Variants in RGPD3 observed in about 807,000 individuals in gnomAD.
RGPD3 encodes the protein ranBP2-like and GRIP domain-containing protein 3.
Under a neutral mutation model 154.5 loss-of-function variants are expected in RGPD3, and 62 were observed. The observed-to-expected ratio is 0.40, with a 90% CI of 0.33 to 0.50. RGPD3 has a LOEUF of 0.50. RGPD3 is among the 20% of genes least tolerant of loss of function. The pLI, the probability that RGPD3 is intolerant of heterozygous loss-of-function variation, is 0.59. For missense variants in RGPD3, 919 were observed against 1,716.8 expected (o/e 0.54, Z 8.21); for synonymous variants, 308 against 607.0 (o/e 0.51, Z 7.24).
intron 4 of RGPD3, among the ~76,000 whole-genome samples, chr2:106,455,012 T>C (rs1678203681): frequency 6.6e-6 from 1 of 151,422 alleles, no homozygotes; most frequent in African/African-American, 2.4e-5. Context: ...CAAAAGTGAA[T>C]GGTTAAGGCT....
At chr2:106,450,875 C>CA in intron 6 of RGPD3, among the ~76,000 whole-genome samples, 1 of 31,948 alleles carries the variant, frequency 3.1e-5, no homozygotes, top group Non-Finnish European at 6.6e-5. Context: ...GAGCAAGACT[C>CA]AGTCTCAAAA....
chr2:106,452,934 GA>G lies in RGPD3; in HGVS notation c.406-9del. 1 of 322,668 alleles carries G rather than the reference GA, an allele frequency of 3.1e-6. No individual in the cohort carries two copies. The highest frequency in any genetic ancestry group is 4.9e-6 in the Non-Finnish European group (1 of 203,044). The allele number at this position is 322,668 out of a possible 1,614,324, so 20.0% of individuals were successfully genotyped here. On this transcript the variant is annotated splice_polypyrimidine_tract_variant and intron_variant, in intron 4 of 22. Transcript: ENST00000409886. ...ACAATCTAGAAGCTGTTCCTATTTA[GA>G]GGGGAAAAAGAAAAATTATTAGAGT...
chr2:106,443,626 T>A (rs563174225), intron 7 of RGPD3, among the ~76,000 whole-genome samples: 1 of 101,004 alleles, frequency 9.9e-6, no homozygotes, highest in African/African-American at 3.5e-5. Context: ...ATAGTTGAAT[T>A]TGTGACCAGT....
rs1323320799 is a variant in RGPD3, at chr2:106,423,960, T to C, written c.4007A>G (p.Glu1336Gly). The C allele has an allele frequency of 6.2e-7, 1 of 1,611,674 alleles. No individual in the cohort carries two copies. The highest frequency in any genetic ancestry group is 1.3e-5 in the African/African-American group (1 of 74,780). The part of the protein sequence containing the change: ...QEEERDGQYF[E>G]PVVPLPDLVE... ...TAGATCAGGTAAAGGAACAACAGGT[T>C]CAAAGTACTGTCCATCTCTCTCTTC... Residue 1336 changes from glutamate to glycine, a missense_variant, in exon 20 of 23, where the codon GAA becomes GGA. Transcript: ENST00000409886.
At chr2:106,465,285 T>C (rs927254919) in intron 1 of RGPD3, among the ~76,000 whole-genome samples, 1 of 152,162 alleles carries the variant, frequency 6.6e-6, no homozygotes, top group African/African-American at 2.4e-5. Context: ...ACAGAATAGC[T>C]TCACATGTTC....
At chr2:106,442,550 C>G (rs1677784282) in intron 7 of RGPD3, among the ~76,000 whole-genome samples, 1 of 135,000 alleles carries the variant, frequency 7.4e-6, no homozygotes, top group African/African-American at 2.8e-5. Flanking sequence ...GACGTGACAG[C>G]TGCCTTCAAA....
chr2:106,436,366 T>G, intron 11 of RGPD3, 48 bp downstream of exon 11: 2 of 1,609,882 alleles, frequency 1.2e-6, no homozygotes, highest in Non-Finnish European at 1.7e-6. Flanking sequence ...AAATCCCCGG[T>G]AAAACCTACG....
chr2:106,409,989 C>T (rs557133328), intron 22 of RGPD3, among the ~76,000 whole-genome samples: 2 of 150,430 alleles, frequency 1.3e-5, no homozygotes, highest in East Asian at 4.0e-4. Context: ...AGTTCTCCTA[C>T]CTCAGCCTCC....
At position 106,460,098 on chromosome 2, in the gene RGPD3, A is replaced by T. The variant is rs1259957052; in HGVS notation, c.73-766T>A. Among the ~76,000 whole-genome samples the T allele has an allele frequency of 1.1e-4, 6 of 52,416 alleles. 1 individual carries two copies. The highest frequency in any genetic ancestry group is 4.8e-4 in the African/African-American group (6 of 12,498). 34.4% of individuals were successfully genotyped at this position (52,416 alleles called of 152,430 possible). On this transcript the variant is annotated intron_variant, in intron 1 of 22. Coordinates refer to ENST00000409886, the MANE Select transcript of RGPD3 (RefSeq NM_001144013.2). ...GACACTGCCGTGAGTTATGACTGTGACACTGCACTCCAGCCTGGGTGACAC... is the reference window on the plus strand; with the variant it reads ...GACACTGCCGTGAGTTATGACTGTGTCACTGCACTCCAGCCTGGGTGACAC...
intron 18 of RGPD3, 50 bp from the exon 19 acceptor site, chr2:106,426,138 A>G (rs1238346344): frequency 6.3e-7 from 1 of 1,579,504 alleles, no homozygotes; most frequent in African/African-American, 1.4e-5. Flanking sequence ...TCTATACTAC[A>G]GTTAAGACTA....
intron 21 of RGPD3, among the ~76,000 whole-genome samples, chr2:106,414,932 C>T (rs1353649919): frequency 7.9e-5 from 12 of 152,110 alleles, no homozygotes; most frequent in Non-Finnish European, 1.3e-4. Flanking sequence ...TTTGTTCCAC[C>T]ATTTACCAGC....
chr2:106,424,160 A>G lies in RGPD3; in HGVS notation c.3807T>C (p.His1269=). 1 of 1,611,280 alleles carries G rather than the reference A, an allele frequency of 6.2e-7. No individual in the cohort carries two copies. The highest frequency in any genetic ancestry group is 8.5e-7 in the Non-Finnish European group (1 of 1,179,778). ...CAGGGCTACTTGCCAATGGAGAAGC[A>G]TGTACTGAGCTACTACTGACACTAT... ...LDDSVSSSSV[H]ASPLASSPVR... is the part of the protein sequence containing the mutation. Residue 1269 remains histidine (H), a synonymous_variant, in exon 20 of 23, where the codon CAT becomes CAC. Coordinates refer to ENST00000409886, the MANE Select transcript of RGPD3 (RefSeq NM_001144013.2).
intron 1 of RGPD3, among the ~76,000 whole-genome samples, chr2:106,467,812 G>A (rs868343910): frequency 6.4e-4 from 31 of 48,200 alleles, no homozygotes; most frequent in African/African-American, 2.6e-3. Context: ...TCGAGGCCGC[G>A]GCCTCAACAG....
At chr2:106,463,767 G>A (rs1394141911) in intron 1 of RGPD3, among the ~76,000 whole-genome samples, 5 of 152,068 alleles carry the variant, frequency 3.3e-5, no homozygotes, top group Non-Finnish European at 7.4e-5. Context: ...GAAATTGAAC[G>A]GATTATGTGA....
At chr2:106,413,871 C>A (rs1173027422) in intron 21 of RGPD3, among the ~76,000 whole-genome samples, 46 of 152,226 alleles carry the variant, frequency 3.0e-4, no homozygotes, top group African/African-American at 1.1e-3. Flanking sequence ...TGAGGAGCAA[C>A]TAACTGGAGC....
At chr2:106,422,836 G>A (rs1326357646) in intron 20 of RGPD3, among the ~76,000 whole-genome samples, 1 of 151,898 alleles carries the variant, frequency 6.6e-6, no homozygotes, top group African/African-American at 2.4e-5. Flanking sequence ...GTATCTTCCA[G>A]TTACTGAAAT....
intron 9 of RGPD3, among the ~76,000 whole-genome samples, chr2:106,437,903 G>A (rs1239022274): frequency 6.6e-6 from 1 of 152,116 alleles, no homozygotes; most frequent in South Asian, 2.1e-4. Flanking sequence ...GAAAAATATG[G>A]CCAGATGCAG....
At chr2:106,467,113 G>C (rs538661280) in intron 1 of RGPD3, among the ~76,000 whole-genome samples, 414 of 54,388 alleles carry the variant, frequency 7.6e-3, no homozygotes, top group East Asian at 0.012. Flanking sequence ...GTCGAGGCCG[G>C]CGCCTCAACA....
intron 22 of RGPD3, among the ~76,000 whole-genome samples, chr2:106,407,652 A>G (rs1276665115): frequency 4.6e-5 from 7 of 152,246 alleles, no homozygotes; most frequent in African/African-American, 1.2e-4. Flanking sequence ...GTGTTCTCAG[A>G]TCTGGCAGGC....
Sources: allele counts gnomAD v4.1 joint callset (sites outside exome capture counted in the v4.1 genomes callset), GRCh38; gene constraint gnomAD v4.1.1; transcripts MANE v1.5; gene names NCBI Gene and HGNC (gene_info 2026-07-23, HGNC 2026-07-21).